Variants in PRKAG2 observed in about 807,000 individuals in gnomAD.
The protein encoded by PRKAG2 is 5'-AMP-activated protein kinase subunit gamma-2.
In PRKAG2, 26 loss-of-function variants were observed where a neutral mutation model predicts 69.6. The observed-to-expected ratio is 0.37, with a 90% CI of 0.27 to 0.52. The LOEUF (loss-of-function observed/expected upper bound fraction) is 0.52. Ranked by LOEUF, PRKAG2 falls within the 20% of genes least tolerant of loss-of-function variation. The probability of loss-of-function intolerance (pLI) is 0.90; values close to 1 mark genes in which losing one functional copy is unlikely to be tolerated. For synonymous variants in PRKAG2, 293 were observed against 285.0 expected (o/e 1.03, Z -0.28); for missense variants, 557 against 740.0 (o/e 0.75, Z 2.87).
At chr7:151,869,820 C>G (rs932678172) in intron 1 of PRKAG2, among the ~76,000 whole-genome samples, 2 of 152,234 alleles carry the variant, frequency 1.3e-5, no homozygotes, top group Non-Finnish European at 2.9e-5. Flanking sequence ...CCTGGAGCCA[C>G]AGGCCAGTCT....
chr7:151,677,782 T>G (rs547071182), intron 3 of PRKAG2, among the ~76,000 whole-genome samples: 23 of 152,350 alleles, frequency 1.5e-4, no homozygotes, highest in South Asian at 1.4e-3. Context: ...CAGGTGTTTC[T>G]GTGCCTTACT....
chr7:151,736,330 C>A (rs1222975440), intron 3 of PRKAG2: 1 of 1,121,036 alleles, frequency 8.9e-7, no homozygotes. Context: ...CAGAACTTCG[C>A]AGGGGATTTG....
intron 4 of PRKAG2, among the ~76,000 whole-genome samples, chr7:151,669,872 GCA>G (rs757022689): frequency 6.0e-3 from 19 of 3,152 alleles, no homozygotes; most frequent in East Asian, 0.014. Flanking sequence ...ATACATACTT[GCA>G]CACACAGTTG....
At chr7:151,683,907 T>C (rs1834268914) in intron 3 of PRKAG2, among the ~76,000 whole-genome samples, 1 of 152,214 alleles carries the variant, frequency 6.6e-6, no homozygotes, top group African/African-American at 2.4e-5. Flanking sequence ...CTTAGGACTC[T>C]GTTTTCTCAA....
intron 5 of PRKAG2, among the ~76,000 whole-genome samples, chr7:151,612,271 G>A (rs1585219363): frequency 6.6e-6 from 1 of 152,334 alleles, no homozygotes; most frequent in South Asian, 2.1e-4. Flanking sequence ...GCACTGCAGA[G>A]TGAGCGTCAG....
At chr7:151,664,402 C>T (rs192954738) in intron 4 of PRKAG2, among the ~76,000 whole-genome samples, 2 of 152,098 alleles carry the variant, frequency 1.3e-5, no homozygotes, top group Admixed American at 6.5e-5. Flanking sequence ...AGGGACATGC[C>T]GAGTCACTCT....
chr7:151,814,468 C>A lies in PRKAG2; in HGVS notation c.115-27927G>T. 2.4e-6 allele frequency: 3 copies of A among 1,230,498 alleles called. No homozygotes were observed. In the South Asian group the frequency reaches 1.3e-4, roughly 52 times the overall value. The allele number at this position is 1,230,498 out of a possible 1,614,324, so 76.2% of individuals were successfully genotyped here. On this transcript the variant is annotated intron_variant, in intron 1 of 15. Coordinates refer to ENST00000287878, the MANE Select transcript of PRKAG2 (RefSeq NM_016203.4). The surrounding 1 kb of genome is among the most constrained non-coding windows in gnomAD (Gnocchi z 4.8). ...CTCTTCCAGATGCTAATAAGCAGTG[C>A]AGGCTTGTAAGCTGCTGGATGGCAG...
In PRKAG2 at chr7:151,828,872, A is replaced by T. The variant is rs1370597619; in HGVS notation, c.115-42331T>A. Among the ~76,000 whole-genome samples the T allele has an allele frequency of 6.6e-6, 1 of 152,216 alleles. No homozygotes were observed. The highest frequency in any genetic ancestry group is 1.5e-5 in the Non-Finnish European group (1 of 68,036). On this transcript the variant is annotated intron_variant, in intron 1 of 15. Coordinates refer to ENST00000287878, the MANE Select transcript of PRKAG2 (RefSeq NM_016203.4). This position sits in a 1 kb window ranked among gnomAD's most constrained non-coding sequence, Gnocchi z 4.6. ...GCTGCAGTGAGCTATGATCACACCA[A>T]TGTACTCCAGCCTGGGCAATAAAGA...
At chr7:151,721,252 T>C (rs1408220923) in intron 3 of PRKAG2, among the ~76,000 whole-genome samples, 1 of 151,954 alleles carries the variant, frequency 6.6e-6, no homozygotes, top group Non-Finnish European at 1.5e-5. Flanking sequence ...GAAGCGGGGG[T>C]CCTGTCCCCT....
chr7:151,825,046 T>C (rs1416610377), intron 1 of PRKAG2, among the ~76,000 whole-genome samples: 2 of 43,936 alleles, frequency 4.6e-5, no homozygotes, highest in Non-Finnish European at 1.1e-4. Context: ...ACCCCGTCTC[T>C]ACTAAAAATA....
rs1822149639 is a variant in PRKAG2 at position 151,623,836 on chromosome 7, A to AAG, written c.754+8231_754+8232dup. Among the ~76,000 whole-genome samples the AAG allele has an allele frequency of 2.0e-5, 3 of 152,314 alleles. No individual in the cohort carries two copies. The South Asian group carries it at 6.2e-4, about 32-fold the overall frequency. On this transcript the variant is annotated intron_variant, in intron 5 of 15. Coordinates refer to ENST00000287878, the MANE Select transcript of PRKAG2 (RefSeq NM_016203.4). ...ACATCGTATGTATGTATAAGCTTCA[A>AAG]AGCTAGAGAAGTCAACGTGAAGACT...
chr7:151,842,360 AGGGATGGTAGTGATGGTAGGTG>A lies in PRKAG2; in HGVS notation c.114+34125_114+34146del, dbSNP rs1453540528. 2.2e-3 allele frequency among the ~76,000 whole-genome samples: 204 copies of A among 94,266 alleles called. 3 individuals are homozygous for A. Among genetic ancestry groups the A allele is most frequent in the Middle Eastern group, 7.6e-3 (1 of 132 alleles). The allele number at this position is 94,266 out of a possible 152,430, so 61.8% of individuals were successfully genotyped here. On this transcript the variant is annotated intron_variant, in intron 1 of 15. Transcript: ENST00000287878. The stretch of plus-strand genomic sequence containing the variant: ...AGTGATGATGGTAGCAATGGTAGGT[AGGGATGGTAGTGATGGTAGGTG>A]GGGATGGTAGTGATGGTAGGTGGGG...
intron 8 of PRKAG2, among the ~76,000 whole-genome samples, chr7:151,573,429 C>G: frequency 7.0e-6 from 1 of 143,114 alleles, no homozygotes; most frequent in Admixed American, 7.4e-5. Flanking sequence ...ATCCACCCTT[C>G]TCAGCTTCCC....
At chr7:151,747,689 T>G (rs7788160) in intron 3 of PRKAG2, among the ~76,000 whole-genome samples, 82,784 of 152,030 alleles carry the variant, frequency 0.54, 25,470 homozygotes, top group African/African-American at 0.85. Flanking sequence ...TCACGTGGCT[T>G]GTTCATTCCT....
chr7:151,589,175 C>T (rs114165908), intron 6 of PRKAG2, among the ~76,000 whole-genome samples: 2 of 152,234 alleles, frequency 1.3e-5, no homozygotes, highest in African/African-American at 4.8e-5. Flanking sequence ...GTGAGCTCCA[C>T]CCAGGCACTG....
chr7:151,806,052 G>A (rs1356908845), intron 1 of PRKAG2, among the ~76,000 whole-genome samples: 2 of 152,220 alleles, frequency 1.3e-5, no homozygotes, highest in Non-Finnish European at 2.9e-5. Flanking sequence ...AGCTGGGCGT[G>A]GTGGTGGCCG....
At chr7:151,648,470 C>G (rs1827925669) in intron 4 of PRKAG2, among the ~76,000 whole-genome samples, 1 of 152,062 alleles carries the variant, frequency 6.6e-6, no homozygotes, top group Non-Finnish European at 1.5e-5. Flanking sequence ...GGCTGGGGCA[C>G]CCGGGAAAAG....
chr7:151,832,165 C>A (rs1439514252), intron 1 of PRKAG2, among the ~76,000 whole-genome samples: 1 of 150,314 alleles, frequency 6.7e-6, no homozygotes, highest in Non-Finnish European at 1.5e-5. Context: ...AATTGAATTT[C>A]CCCCCAACCC....
At chr7:151,690,673 C>T (rs1043836185) in intron 3 of PRKAG2, among the ~76,000 whole-genome samples, 4 of 152,178 alleles carry the variant, frequency 2.6e-5, no homozygotes, top group East Asian at 1.9e-4. Flanking sequence ...TATCTGAATA[C>T]GGTGCTTAGG....
Sources: gnomAD v4.1 joint callset for allele counts (sites outside exome capture counted in the v4.1 genomes callset) on GRCh38, gnomAD v4.1.1 for gene constraint, Gnocchi (gnomAD v3.1) non-coding constraint, MANE v1.5 for transcripts, NCBI Gene and HGNC (gene_info 2026-07-23, HGNC 2026-07-21) for gene names.